ADGRL4: variants seen among roughly 807,000 people sequenced by gnomAD.
ADGRL4 encodes the protein adhesion G protein-coupled receptor L4, also known as EGF, latrophilin and seven transmembrane domain containing 1.
Under a neutral mutation model 74.8 loss-of-function variants are expected in ADGRL4, and 90 were observed. That is an observed-to-expected ratio of 1.20 (90% CI 1.02 to 1.43). ADGRL4 has a LOEUF of 1.43. ADGRL4 is among the 40% of genes most tolerant of loss of function. The probability of loss-of-function intolerance (pLI) is 0.00; values close to 1 mark genes in which losing one functional copy is unlikely to be tolerated. For synonymous variants in ADGRL4, 311 were observed against 279.2 expected, an observed-to-expected ratio of 1.11 and a Z score of -1.14; for missense variants, 881 against 814.3, an observed-to-expected ratio of 1.08 and a Z score of -1.00.
At chr1:78,968,370 A>T (rs1650098153) in intron 2 of ADGRL4, among the ~76,000 whole-genome samples, 1 of 152,028 alleles carries the variant, frequency 6.6e-6, no homozygotes, top group African/African-American at 2.4e-5. Flanking sequence ...CCTTACCTTA[A>T]GTAAATAGTT....
chr1:78,921,844 T>C, intron 8 of ADGRL4, 58 bp from the exon 9 acceptor site: 1 of 980,030 alleles, frequency 1.0e-6, no homozygotes, highest in Admixed American at 3.2e-5. Flanking sequence ...CATAGTATTG[T>C]TTTGTCATAT....
chr1:78,972,050 C>T (rs563975667), intron 2 of ADGRL4, among the ~76,000 whole-genome samples: 3 of 152,084 alleles, frequency 2.0e-5, no homozygotes, highest in Non-Finnish European at 2.9e-5. Flanking sequence ...CCACCGTGCC[C>T]GGCCAGGATT....
intron 2 of ADGRL4, among the ~76,000 whole-genome samples, chr1:78,998,124 G>A (rs1224025053): frequency 6.6e-6 from 1 of 152,076 alleles, no homozygotes; most frequent in African/African-American, 2.4e-5. Context: ...CCACCACAGG[G>A]GAAAGCCAGA....
intron 7 of ADGRL4, among the ~76,000 whole-genome samples, chr1:78,935,128 A>G (rs1433139783): frequency 6.6e-6 from 1 of 152,216 alleles, no homozygotes; most frequent in African/African-American, 2.4e-5. Context: ...AGCACTATTT[A>G]CAATAGCAAA....
intron 8 of ADGRL4, among the ~76,000 whole-genome samples, chr1:78,926,652 C>T (rs1457242831): frequency 6.6e-6 from 1 of 151,966 alleles, no homozygotes; most frequent in Non-Finnish European, 1.5e-5. Flanking sequence ...TAAAATATTG[C>T]TTAATTCCAG....
chr1:78,976,204 G>C (rs1203790934), intron 2 of ADGRL4, among the ~76,000 whole-genome samples: 1 of 151,846 alleles, frequency 6.6e-6, no homozygotes, highest in South Asian at 2.1e-4. Flanking sequence ...AACTGCAGAG[G>C]TCCCCTTGTA....
chr1:78,949,537 C>T (rs1184517992), intron 2 of ADGRL4, among the ~76,000 whole-genome samples: 1 of 152,072 alleles, frequency 6.6e-6, no homozygotes, highest in African/African-American at 2.4e-5. Context: ...TCCCTCTTCC[C>T]TCAAGATTGT....
intron 7 of ADGRL4, among the ~76,000 whole-genome samples, chr1:78,928,513 A>G (rs2100679019): frequency 6.6e-6 from 1 of 151,542 alleles, no homozygotes; most frequent in Admixed American, 6.6e-5. Flanking sequence ...TTCCTAATAA[A>G]TCATCATCCA....
At position 78,928,187 on chromosome 1, in the gene ADGRL4, T is replaced by G. The variant is rs139115376; in HGVS notation, c.878-1096A>C. On this transcript the variant is annotated intron_variant, in intron 7 of 14. Coordinates refer to ENST00000370742, the MANE Select transcript of ADGRL4 (RefSeq NM_022159.4). ...GATGAATCAAAAATATAAGAAGGAT[T>G]TTTAAAGTCTACTAGTTACTGCTTT... 9.2e-5 allele frequency among the ~76,000 whole-genome samples: 14 copies of G among 151,540 alleles called. 1 individual carries two copies. The highest frequency in any genetic ancestry group is 3.2e-4 in the African/African-American group (13 of 40,850).
intron 2 of ADGRL4, among the ~76,000 whole-genome samples, chr1:78,972,657 C>T (rs6701533): frequency 0.99 from 150,471 of 152,314 alleles, 74,360 homozygotes; most frequent in Middle Eastern, 1. Flanking sequence ...GGCTATTTGG[C>T]TTCATAAATG....
intron 2 of ADGRL4, among the ~76,000 whole-genome samples, chr1:79,001,647 T>C (rs1650846825): frequency 6.6e-6 from 1 of 152,156 alleles, no homozygotes; most frequent in Non-Finnish European, 1.5e-5. Context: ...CTAACTTTGG[T>C]GAGCAGACTA....
chr1:78,933,632 GT>G (rs1387355367), intron 7 of ADGRL4, among the ~76,000 whole-genome samples: 2 of 151,404 alleles, frequency 1.3e-5, no homozygotes, highest in Non-Finnish European at 2.9e-5. Context: ...AAGAGAGGAA[GT>G]CAAATTGTCT....
At chr1:78,909,000 A>G (rs1165738938) in intron 12 of ADGRL4, among the ~76,000 whole-genome samples, 1 of 151,826 alleles carries the variant, frequency 6.6e-6, no homozygotes. Context: ...CCAGCTATCT[A>G]TTGTTTCAAG....
At chr1:79,004,283 C>G (rs1650913235) in intron 2 of ADGRL4, among the ~76,000 whole-genome samples, 1 of 150,064 alleles carries the variant, frequency 6.7e-6, no homozygotes, top group Non-Finnish European at 1.5e-5. Flanking sequence ...CTCTCTCTCT[C>G]TCTTCTACAC....
chr1:78,899,740 G>A (rs1485554520), intron 12 of ADGRL4, among the ~76,000 whole-genome samples: 3 of 151,976 alleles, frequency 2.0e-5, no homozygotes, highest in Non-Finnish European at 4.4e-5. Flanking sequence ...AAGTAGAACA[G>A]GTTTTGTCTT....
chr1:78,931,350 G>T (rs1397773098), intron 7 of ADGRL4, among the ~76,000 whole-genome samples: 1 of 151,374 alleles, frequency 6.6e-6, no homozygotes, highest in Non-Finnish European at 1.5e-5. Context: ...AAGCGAAGGA[G>T]AAATAAAATC....
At chr1:78,981,592 T>C (rs1427481187) in intron 2 of ADGRL4, among the ~76,000 whole-genome samples, 4 of 151,964 alleles carry the variant, frequency 2.6e-5, no homozygotes, top group Non-Finnish European at 2.9e-5. Flanking sequence ...TATAGTAGCA[T>C]TGATGATCAT....
At chr1:78,909,154 T>A (rs1648705328) in intron 12 of ADGRL4, among the ~76,000 whole-genome samples, 1 of 151,974 alleles carries the variant, frequency 6.6e-6, no homozygotes, top group Admixed American at 6.6e-5. Flanking sequence ...AATATGATGA[T>A]GTTAAATTAA....
intron 2 of ADGRL4, among the ~76,000 whole-genome samples, chr1:78,966,966 G>T (rs568914604): frequency 6.6e-5 from 10 of 150,906 alleles, no homozygotes; most frequent in Admixed American, 2.0e-4. Context: ...TGTGACAAAG[G>T]ATCTTATGGG....
Sources: allele counts gnomAD v4.1 joint callset (sites outside exome capture counted in the v4.1 genomes callset), GRCh38; gene constraint gnomAD v4.1.1; transcripts MANE v1.5; gene names NCBI Gene and HGNC (gene_info 2026-07-23, HGNC 2026-07-21).